Variants in FRAS1 observed in about 807,000 individuals in gnomAD.
FRAS1 encodes the protein extracellular matrix organizing protein FRAS1.
Under a neutral mutation model 435.2 loss-of-function variants are expected in FRAS1, and 290 were observed. The ratio of observed to expected loss-of-function variants is 0.67; its 90% confidence interval spans 0.61 to 0.73. FRAS1 has a LOEUF of 0.73. FRAS1 is among the 30% of genes least tolerant of loss of function. The pLI is 0.00. For synonymous variants in FRAS1, 1,800 were observed against 1,851.0 expected, an observed-to-expected ratio of 0.97 and a Z score of 0.71; for missense variants, 4,860 against 5,001.5, an observed-to-expected ratio of 0.97 and a Z score of 0.85.
At chr4:78,401,008 A>G (rs1732871445) in intron 30 of FRAS1, 121 bp downstream of exon 30, 5 of 818,404 alleles carry the variant, frequency 6.1e-6, no homozygotes, top group Non-Finnish European at 9.3e-6. Context: ...AATACCTTAC[A>G]AATCCCCTTT....
chr4:78,526,647 GC>G lies in FRAS1; in HGVS notation c.10919del (p.Pro3640GlnfsTer5). ...GEKPLACTAH[A>X]PERFLIPIAF... is the part of the protein sequence containing the mutation. ...GAAGCCTTTGGCCTGCACTGCACAT[GC>G]CCCAGAAAGGTAGGAAAATATAGTC... On this transcript the variant is annotated frameshift_variant, in exon 70 of 74. Coordinates refer to ENST00000512123, the MANE Select transcript of FRAS1 (RefSeq NM_025074.7). LOFTEE classifies it high-confidence loss of function. 2 of 1,564,968 alleles carry G rather than the reference GC, an allele frequency of 1.3e-6. No homozygotes were observed. Among genetic ancestry groups the G allele is most frequent in the African/African-American group, 1.4e-5 (1 of 73,158 alleles).
At chr4:78,242,906 C>CTATAT (rs1235366119) in intron 3 of FRAS1, among the ~76,000 whole-genome samples, 41 of 152,106 alleles carry the variant, frequency 2.7e-4, no homozygotes, top group Non-Finnish European at 5.3e-4. Context: ...GATTCTATAT[C>CTATAT]CGTATCTTAT....
chr4:78,116,091 A>T (rs1578133872), intron 2 of FRAS1, among the ~76,000 whole-genome samples: 3 of 152,316 alleles, frequency 2.0e-5, no homozygotes, highest in African/African-American at 7.2e-5. Context: ...TTATGTACCC[A>T]GTAGTCATTC....
chr4:78,331,168 A>T (rs2110255975), intron 18 of FRAS1, among the ~76,000 whole-genome samples: 1 of 152,372 alleles, frequency 6.6e-6, no homozygotes, highest in South Asian at 2.1e-4. Flanking sequence ...AATTTAAGAA[A>T]AAGAACGTTA....
chr4:78,239,605 T>C (rs1286233622), intron 3 of FRAS1, among the ~76,000 whole-genome samples: 1 of 152,162 alleles, frequency 6.6e-6, no homozygotes. Context: ...CCCAATGTCC[T>C]TTAAGGTACT....
At chr4:78,447,679 TG>T (rs1468374674) in intron 43 of FRAS1, among the ~76,000 whole-genome samples, 1 of 152,284 alleles carries the variant, frequency 6.6e-6, no homozygotes, top group African/African-American at 2.4e-5. Flanking sequence ...TGCCTCTAGA[TG>T]CCCTAAGAGA....
chr4:78,482,357 T>G (rs1318219458), intron 57 of FRAS1, 31 bp from the exon 58 acceptor site: 8 of 1,613,456 alleles, frequency 5.0e-6, no homozygotes, highest in African/African-American at 1.3e-5. Context: ...TGGTGGGTCC[T>G]CTGTCAAGTT....
chr4:78,469,832 G>T, intron 50 of FRAS1, 146 bp from the exon 51 acceptor site: 1 of 675,496 alleles, frequency 1.5e-6, no homozygotes, highest in Non-Finnish European at 2.7e-6. Context: ...GTGCCAGGAT[G>T]ATAAGGGATG....
At chr4:78,486,110 C>T (rs1720160606) in intron 58 of FRAS1, among the ~76,000 whole-genome samples, 1 of 152,192 alleles carries the variant, frequency 6.6e-6, no homozygotes. Flanking sequence ...GTATCACCCT[C>T]CTGTGTGTGC....
intron 2 of FRAS1, among the ~76,000 whole-genome samples, chr4:78,222,089 G>T (rs931547421): frequency 6.6e-6 from 1 of 152,002 alleles, no homozygotes; most frequent in African/African-American, 2.4e-5. Flanking sequence ...CTGGAGCTCT[G>T]CCCTGGTTCA....
intron 2 of FRAS1, among the ~76,000 whole-genome samples, chr4:78,188,451 T>TG (rs778259405): frequency 2.0e-5 from 3 of 152,226 alleles, no homozygotes; most frequent in Non-Finnish European, 4.4e-5. Flanking sequence ...TGATGGAGGC[T>TG]GGCTAGGCCA....
intron 14 of FRAS1, among the ~76,000 whole-genome samples, chr4:78,288,746 G>C (rs964472308): frequency 1.1e-4 from 16 of 151,958 alleles, no homozygotes; most frequent in African/African-American, 3.9e-4. Context: ...AGCCAAAGTT[G>C]TGATCAATTT....
rs748991697 is a variant in FRAS1, at chr4:78,515,943, C to T, written c.10319C>T (p.Thr3440Ile). Residue 3440 changes from threonine (T) to isoleucine (I), a missense_variant, in exon 66 of 74, where the codon ACC (threonine) becomes ATC (isoleucine). Thr to Ile is a moderately conservative substitution (Grantham distance 89, BLOSUM62 -1). Coordinates refer to ENST00000512123, the MANE Select transcript of FRAS1 (RefSeq NM_025074.7). ...KHLNLKSCVWTFDAYYDMTEL... is the reference protein window; with the variant it reads ...KHLNLKSCVWIFDAYYDMTEL... ...CTGAACCTGAAGAGCTGCGTGTGGA[C>T]CTTTGATGCTTATTATGACATGACT... 2 of 1,613,954 alleles carry T rather than the reference C, an allele frequency of 1.2e-6. No homozygotes were observed. The highest frequency in any genetic ancestry group is 2.2e-5 in the South Asian group (2 of 91,078).
At chr4:78,480,203 A>T (rs1719969996) in intron 56 of FRAS1, among the ~76,000 whole-genome samples, 1 of 152,140 alleles carries the variant, frequency 6.6e-6, no homozygotes, top group East Asian at 1.9e-4. Flanking sequence ...CCCATTAACC[A>T]TGCCCACTTC....
Position 78,250,252 on chromosome 4 carries a change from A to C in FRAS1, c.310-2140A>C, listed in dbSNP as rs1439901556. Among the ~76,000 whole-genome samples, 3 of 152,138 alleles carry C rather than the reference A, an allele frequency of 2.0e-5. 1 individual carries two copies. The highest frequency in any genetic ancestry group is 4.4e-5 in the Non-Finnish European group (3 of 68,014). On this transcript the variant is annotated intron_variant, in intron 4 of 73. Transcript: ENST00000512123. ...TGAAAACCACTGTTAATGTTCTTTC[A>C]GTTTTGGTGGAGGGGTTGGCAGTGG... is the stretch of plus-strand genomic sequence containing the variant.
At position 78,225,003 on chromosome 4, in the gene FRAS1, T is replaced by C. The variant is rs917313049; in HGVS notation, c.109-12507T>C. ...AATGCATGCAAAGGAAGAAATCCAG[T>C]GCATGATAAATTGCTTTACAAATTC... On this transcript the variant is annotated intron_variant, in intron 2 of 73. Transcript: ENST00000512123. Among the ~76,000 whole-genome samples the C allele has an allele frequency of 3.3e-5, 5 of 152,200 alleles. No homozygotes were observed. The East Asian group carries it at 9.6e-4, about 29-fold the overall frequency.
In FRAS1 at chr4:78,419,037, T is replaced by C; in HGVS notation, c.4514T>C (p.Ile1505Thr). The C allele has an allele frequency of 6.3e-7, 1 of 1,577,328 alleles. No individual in the cohort carries two copies. The highest frequency in any genetic ancestry group is 8.6e-7 in the Non-Finnish European group (1 of 1,164,768). The stretch of plus-strand genomic sequence containing the variant: ...CCAAGTGGAAAGATTGTCTACAACA[T>C]CACTCTACCTCTGCATCCAAATCAA... ...EKPSGKIVYN[I>T]TLPLHPNQGI... Residue 1505 changes from isoleucine to threonine, a missense_variant, in exon 33 of 74, where the codon ATC becomes ACC. Coordinates refer to ENST00000512123, the MANE Select transcript of FRAS1 (RefSeq NM_025074.7).
intron 2 of FRAS1, among the ~76,000 whole-genome samples, chr4:78,222,861 G>C (rs1553931754): frequency 6.6e-6 from 1 of 152,214 alleles, no homozygotes; most frequent in Non-Finnish European, 1.5e-5. Flanking sequence ...GATTGGAAAT[G>C]TAAAATGAAA....
chr4:78,142,531 G>C (rs936495401), intron 2 of FRAS1, among the ~76,000 whole-genome samples: 2 of 152,050 alleles, frequency 1.3e-5, no homozygotes, highest in Non-Finnish European at 2.9e-5. Context: ...GATAATGAAC[G>C]GAGTTATCAG....
Sources: allele counts gnomAD v4.1 joint callset (sites outside exome capture counted in the v4.1 genomes callset), GRCh38; gene constraint gnomAD v4.1.1; transcripts MANE v1.5; gene names NCBI Gene and HGNC (gene_info 2026-07-23, HGNC 2026-07-21).